PKIA: variants seen among roughly 807,000 people sequenced by gnomAD.
PKIA encodes PKI-alpha.
In PKIA, 4 loss-of-function variants were observed where a neutral mutation model predicts 7.6. The ratio of observed to expected loss-of-function variants is 0.52; its 90% CI spans 0.26 to 1.20. The LOEUF is 1.20. Ranked by LOEUF, PKIA falls within the 50% of genes most tolerant of loss-of-function variation. The pLI, the probability that PKIA is intolerant of heterozygous loss-of-function variation, is 0.13. For missense variants in PKIA, 73 were observed against 86.2 expected (o/e 0.85, Z 0.61); for synonymous variants, 21 against 30.7 (o/e 0.68, Z 1.04).
At chr8:78,551,619 A>C (rs1234970951) in intron 1 of PKIA, among the ~76,000 whole-genome samples, 2 of 152,062 alleles carry the variant, frequency 1.3e-5, no homozygotes, top group African/African-American at 4.8e-5. Context: ...ATGCAGTATT[A>C]GATATATATT....
At chr8:78,588,411 C>T (rs1395851208) in intron 2 of PKIA, among the ~76,000 whole-genome samples, 7 of 152,050 alleles carry the variant, frequency 4.6e-5, no homozygotes, top group South Asian at 4.1e-4. Flanking sequence ...ACCCAGGAGG[C>T]GGAGGTTGCG....
intron 1 of PKIA, chr8:78,534,345 T>G (rs1806465560): frequency 1.3e-5 from 2 of 152,132 alleles, no homozygotes. Flanking sequence ...AAATTTTAAT[T>G]CTGAAATTCT....
intron 1 of PKIA, among the ~76,000 whole-genome samples, chr8:78,555,489 A>G (rs984294035): frequency 6.6e-6 from 1 of 152,066 alleles, no homozygotes; most frequent in African/African-American, 2.4e-5. Context: ...TACAAGACTC[A>G]TCTTATAAGC....
At chr8:78,520,487 GT>G (rs905856568) in intron 1 of PKIA, among the ~76,000 whole-genome samples, 2 of 152,110 alleles carry the variant, frequency 1.3e-5, no homozygotes, top group Non-Finnish European at 2.9e-5. Context: ...CTCATTTGAT[GT>G]TTATACTATA....
intron 1 of PKIA, among the ~76,000 whole-genome samples, chr8:78,529,238 C>G (rs966268029): frequency 6.6e-6 from 1 of 152,002 alleles, no homozygotes; most frequent in Non-Finnish European, 1.5e-5. Context: ...CTGCTACTTC[C>G]TTTTTTTGCA....
chr8:78,534,169 C>T (rs892082954), intron 1 of PKIA: 9 of 151,930 alleles, frequency 5.9e-5, no homozygotes, highest in African/African-American at 2.2e-4. Context: ...TAGGTTATTC[C>T]AGTGATAAAA....
intron 1 of PKIA, among the ~76,000 whole-genome samples, chr8:78,540,786 A>C (rs887911747): frequency 3.9e-5 from 6 of 151,960 alleles, no homozygotes; most frequent in African/African-American, 1.4e-4. Flanking sequence ...GATTCCATCT[A>C]CAAAAATCTG....
chr8:78,567,925 A>G (rs555463079), intron 1 of PKIA, among the ~76,000 whole-genome samples: 2 of 152,258 alleles, frequency 1.3e-5, no homozygotes, highest in African/African-American at 4.8e-5. Flanking sequence ...TTTAAAAATC[A>G]CTTCCTTAAT....
chr8:78,520,905 GA>G (rs1205067236), intron 1 of PKIA, among the ~76,000 whole-genome samples: 1 of 152,072 alleles, frequency 6.6e-6, no homozygotes. Context: ...TACTTGAGAT[GA>G]GGTTTTCCTT....
intron 1 of PKIA, among the ~76,000 whole-genome samples, chr8:78,533,673 T>C (rs533478197): frequency 9.9e-5 from 15 of 152,022 alleles, no homozygotes; most frequent in Non-Finnish European, 1.9e-4. Context: ...CAGGGCAACA[T>C]AGCAAGACCC....
intron 2 of PKIA, among the ~76,000 whole-genome samples, chr8:78,592,706 C>T (rs1308625623): frequency 6.6e-6 from 1 of 152,084 alleles, no homozygotes; most frequent in Non-Finnish European, 1.5e-5. Context: ...GTAGAATTGC[C>T]ACCAGGATCT....
chr8:78,586,753 G>A (rs1221896205), intron 2 of PKIA, among the ~76,000 whole-genome samples: 12 of 152,154 alleles, frequency 7.9e-5, no homozygotes, highest in Non-Finnish European at 1.3e-4. Context: ...AACAGAAAGT[G>A]AAGGAAGTTT....
At chr8:78,518,095 C>T (rs1809349344) in intron 1 of PKIA, among the ~76,000 whole-genome samples, 1 of 152,140 alleles carries the variant, frequency 6.6e-6, no homozygotes, top group South Asian at 2.1e-4. Context: ...ATCATTATTG[C>T]CTTTCTATTA....
intron 1 of PKIA, among the ~76,000 whole-genome samples, chr8:78,526,671 G>A (rs1260304611): frequency 3.3e-5 from 5 of 151,718 alleles, no homozygotes; most frequent in Admixed American, 1.3e-4. Flanking sequence ...ATTGAAGCCC[G>A]AAGAATTTAC....
At chr8:78,528,658 T>TAAAAAA (rs755210393) in intron 1 of PKIA, among the ~76,000 whole-genome samples, 1 of 120,126 alleles carries the variant, frequency 8.3e-6, no homozygotes, top group East Asian at 2.3e-4. Context: ...ACCCTGTCTC[T>TAAAAAA]AAAAAAAAAA....
chr8:78,536,305 A>C (rs1436517219), intron 1 of PKIA, among the ~76,000 whole-genome samples: 1 of 152,136 alleles, frequency 6.6e-6, no homozygotes, highest in African/African-American at 2.4e-5. Flanking sequence ...AATTCCAAAC[A>C]AAAATGATAT....
At chr8:78,542,682 T>A (rs1237710900) in intron 1 of PKIA, among the ~76,000 whole-genome samples, 2 of 149,186 alleles carry the variant, frequency 1.3e-5, no homozygotes, top group African/African-American at 5.2e-5. Context: ...AGTGACAATT[T>A]TTTTTAATTT....
At chr8:78,527,488 C>T (rs1806273851) in intron 1 of PKIA, among the ~76,000 whole-genome samples, 1 of 151,910 alleles carries the variant, frequency 6.6e-6, no homozygotes, top group Admixed American at 6.6e-5. Context: ...CTTGGAAAAG[C>T]ATGTGAAAAA....
rs191529347 is a variant in PKIA, at chr8:78,582,824, G to T, written c.-28+9885G>T. Among the ~76,000 whole-genome samples, 73 of 152,196 alleles carry T rather than the reference G, an allele frequency of 4.8e-4. No homozygotes were observed. The South Asian group carries it at 7.9e-3, about 16-fold the overall frequency. ...GTTGAACATGTTTACCCTGTAAGAG[G>T]GCGATGATAAAGCAGCAGGGTGACA... On this transcript the variant is annotated intron_variant, in intron 2 of 3. Transcript: ENST00000396418.
Sources: allele counts gnomAD v4.1 joint callset (sites outside exome capture counted in the v4.1 genomes callset), GRCh38; gene constraint gnomAD v4.1.1; transcripts MANE v1.5; gene names NCBI Gene and HGNC (gene_info 2026-07-23, HGNC 2026-07-21).